The following TOX variants were observed in gnomAD, a reference collection of about 807,000 sequenced individuals.
The protein encoded by TOX is thymocyte selection-associated high mobility group box protein TOX.
In TOX, 11 loss-of-function variants were observed where a neutral mutation model predicts 53.7. That is an observed-to-expected ratio of 0.20 (90% CI 0.13 to 0.34). TOX has a LOEUF of 0.34. Ranked by LOEUF, TOX falls within the 10% of genes least tolerant of loss-of-function variation. The pLI is 1.00. For missense variants in TOX, 570 were observed against 664.6 expected (o/e 0.86, Z 1.56); for synonymous variants, 225 against 245.3 (o/e 0.92, Z 0.77).
At chr8:58,965,146 T>C (rs1233127476) in intron 1 of TOX, among the ~76,000 whole-genome samples, 6 of 152,222 alleles carry the variant, frequency 3.9e-5, no homozygotes, top group Admixed American at 3.9e-4. Context: ...TTCCATGTAT[T>C]CTCAATTTAA....
At chr8:58,828,423 T>C (rs17214703) in intron 5 of TOX, among the ~76,000 whole-genome samples, 27,449 of 151,962 alleles carry the variant, frequency 0.18, 2,819 homozygotes, top group Non-Finnish European at 0.23. Flanking sequence ...AATATTATCA[T>C]ATAATCAATG....
intron 3 of TOX, among the ~76,000 whole-genome samples, chr8:58,880,092 A>T (rs1281917273): frequency 6.6e-6 from 1 of 152,222 alleles, no homozygotes. Flanking sequence ...CAGCTTCCGT[A>T]GCTACTAATC....
At chr8:59,013,243 A>T (rs1159355030) in intron 1 of TOX, among the ~76,000 whole-genome samples, 1 of 152,190 alleles carries the variant, frequency 6.6e-6, no homozygotes, top group Non-Finnish European at 1.5e-5. Context: ...AGAGTCTGAT[A>T]CAACTGTTCA....
At chr8:59,094,026 T>C (rs922731305) in intron 1 of TOX, among the ~76,000 whole-genome samples, 7 of 152,298 alleles carry the variant, frequency 4.6e-5, no homozygotes, top group African/African-American at 1.4e-4. Flanking sequence ...TATTATTTAC[T>C]GAAAATTATA....
At chr8:59,029,686 T>C (rs982271034) in intron 1 of TOX, among the ~76,000 whole-genome samples, 54 of 152,170 alleles carry the variant, frequency 3.5e-4, no homozygotes, top group Admixed American at 3.1e-3. Flanking sequence ...TTTGTTTGCA[T>C]TGAAAGAGAC....
intron 7 of TOX, among the ~76,000 whole-genome samples, chr8:58,814,894 T>C (rs10957071): frequency 0.19 from 29,418 of 152,146 alleles, 3,008 homozygotes; most frequent in South Asian, 0.24. Flanking sequence ...TTTTTCAGCA[T>C]TTATTGGACT....
At chr8:58,991,860 C>T (rs116960117) in intron 1 of TOX, 2,532 of 152,448 alleles carry the variant, frequency 0.017, 31 homozygotes, top group Non-Finnish European at 0.025. Context: ...AGGGTTAATG[C>T]TCTTCCCGAC....
At chr8:58,861,175 A>G (rs1811004131) in intron 3 of TOX, among the ~76,000 whole-genome samples, 1 of 152,340 alleles carries the variant, frequency 6.6e-6, no homozygotes, top group East Asian at 1.9e-4. Flanking sequence ...GGCAAAGTTT[A>G]CTTTTACTTG....
At chr8:58,994,091 T>G (rs941928527) in intron 1 of TOX, among the ~76,000 whole-genome samples, 3 of 152,084 alleles carry the variant, frequency 2.0e-5, no homozygotes, top group African/African-American at 7.2e-5. Context: ...AGTGCAAGAG[T>G]GGACAACTGG....
chr8:58,927,305 T>A (rs79154772), intron 3 of TOX, among the ~76,000 whole-genome samples: 1,977 of 152,298 alleles, frequency 0.013, 57 homozygotes, highest in African/African-American at 0.046. Flanking sequence ...GCCGAGTTCA[T>A]CAGGAGAGAG....
chr8:58,896,416 G>A lies in TOX; in HGVS notation c.411+42886C>T, dbSNP rs193087096. Among the ~76,000 whole-genome samples the A allele has an allele frequency of 2.1e-3, 319 of 152,204 alleles. 1 individual carries two copies. Among genetic ancestry groups the A allele is most frequent in the South Asian group, 7.5e-3 (36 of 4,810 alleles). The stretch of plus-strand genomic sequence containing the variant: ...ATCCTGGCCCGGTGCAGTGGCTCAC[G>A]CCTGTAATCCCAGCACTTTGGATGG... On this transcript the variant is annotated intron_variant, in intron 3 of 8. Transcript: ENST00000361421.
chr8:58,837,542 G>GA (rs974400442), intron 5 of TOX, among the ~76,000 whole-genome samples: 15 of 152,042 alleles, frequency 9.9e-5, no homozygotes, highest in African/African-American at 2.9e-4. Flanking sequence ...ATGAGAGAAG[G>GA]AAAAAACCAG....
Position 58,815,474 on chromosome 8 carries a change from G to A in TOX, c.1256C>T (p.Pro419Leu), listed in dbSNP as rs2129164626. 1 of 1,614,056 alleles carries A rather than the reference G, an allele frequency of 6.2e-7. No individual in the cohort carries two copies. The highest frequency in any genetic ancestry group is 8.5e-7 in the Non-Finnish European group (1 of 1,179,982). ...AAGAGGCGGGCTGATCTGGAGGGGA[G>A]GAGGAGGGGACACAGCCATGTTTGC... ...SIANMAVSPP[P>L]PLQISPPLHQ... is the part of the protein sequence containing the mutation. Residue 419 changes from proline to leucine, a missense_variant, in exon 7 of 9, where the codon CCT becomes CTT. By Grantham distance (98) the Pro-to-Leu change is moderately conservative. Coordinates refer to ENST00000361421, the MANE Select transcript of TOX (RefSeq NM_014729.3).
intron 3 of TOX, among the ~76,000 whole-genome samples, chr8:58,855,381 C>A (rs1201363000): frequency 6.6e-6 from 1 of 152,162 alleles, no homozygotes; most frequent in South Asian, 2.1e-4. Context: ...TTTCTCAAAT[C>A]TATTTTTTTT....
chr8:59,094,164 TTAAA>T (rs1379695910), intron 1 of TOX, among the ~76,000 whole-genome samples: 2 of 152,204 alleles, frequency 1.3e-5, no homozygotes, highest in African/African-American at 4.8e-5. Flanking sequence ...ATATTTATGC[TTAAA>T]TAAAAATAGT....
chr8:58,886,938 T>A lies in TOX; in HGVS notation c.412-35133A>T, dbSNP rs112740919. 5.9e-3 allele frequency among the ~76,000 whole-genome samples: 894 copies of A among 152,042 alleles called. 11 individuals are homozygous for A. The highest frequency in any genetic ancestry group is 0.02 in the African/African-American group (846 of 41,542). ...TTATCTCATTATTTTACTATGAGAA[T>A]TATCAGGAAACATTAGGTTTCCTCT... On this transcript the variant is annotated intron_variant, in intron 3 of 8. Coordinates refer to ENST00000361421, the MANE Select transcript of TOX (RefSeq NM_014729.3).
chr8:58,932,101 A>G (rs75880637), intron 3 of TOX, among the ~76,000 whole-genome samples: 4,393 of 152,236 alleles, frequency 0.029, 110 homozygotes, highest in Middle Eastern at 0.061. Context: ...TTAACTATAA[A>G]CAACACCTAT....
intron 3 of TOX, among the ~76,000 whole-genome samples, chr8:58,856,843 C>T (rs183300469): frequency 1.3e-5 from 2 of 151,498 alleles, no homozygotes; most frequent in African/African-American, 2.4e-5. Flanking sequence ...ACCATAAGGA[C>T]GCTGAAGGCA....
rs1195409212 is a variant in TOX at position 58,806,707 on chromosome 8, A to G, written c.*1040T>C. On this transcript the variant is annotated 3_prime_UTR_variant, in exon 9 of 9. Coordinates refer to ENST00000361421, the MANE Select transcript of TOX (RefSeq NM_014729.3). ...TACTGTAAAAACTAAATAATAAAGTATTCACACCAAGCGTGAATTTTTTTT... is the reference window on the plus strand; with the variant it reads ...TACTGTAAAAACTAAATAATAAAGTGTTCACACCAAGCGTGAATTTTTTTT... The G allele has an allele frequency of 1.3e-5, 2 of 152,670 alleles. No individual in the cohort carries two copies. Among genetic ancestry groups the G allele is most frequent in the Non-Finnish European group, 2.9e-5 (2 of 68,034 alleles). 9.5% of individuals were successfully genotyped at this position (152,670 alleles called of 1,614,324 possible). A position where few individuals can be genotyped will look rare whatever the true frequency, so the allele number is the denominator to read the frequency against.
Sources: allele counts gnomAD v4.1 joint callset (sites outside exome capture counted in the v4.1 genomes callset), GRCh38; gene constraint gnomAD v4.1.1; transcripts MANE v1.5; gene names NCBI Gene and HGNC (gene_info 2026-07-23, HGNC 2026-07-21).